Variants in MPP7 observed in about 807,000 individuals in gnomAD.
MPP7 encodes MAGUK p55 scaffold protein 7.
MPP7 carries 60 observed loss-of-function variants against 76.5 expected under a neutral mutation model. The observed-to-expected ratio is 0.78, with a 90% confidence interval of 0.64 to 0.97. The LOEUF is 0.97. Among genes scored for constraint, MPP7 ranks in the 50% least tolerant of loss-of-function variants. The probability of loss-of-function intolerance (pLI) is 0.00; values close to 1 mark genes in which losing one functional copy is unlikely to be tolerated. For synonymous variants in MPP7, 237 were observed against 244.5 expected (o/e 0.97, Z 0.29); for missense variants, 641 against 694.0 (o/e 0.92, Z 0.86).
At chr10:28,154,902 GT>G (rs1450042113) in intron 3 of MPP7, among the ~76,000 whole-genome samples, 5 of 148,450 alleles carry the variant, frequency 3.4e-5, no homozygotes, top group Non-Finnish European at 4.5e-5. Context: ...TTCAGTAATT[GT>G]TTTTTTTTTC....
At chr10:28,284,332 T>C (rs1840747154) in intron 1 of MPP7, among the ~76,000 whole-genome samples, 1 of 152,200 alleles carries the variant, frequency 6.6e-6, no homozygotes, top group Admixed American at 6.5e-5. Context: ...GCACCAAGTC[T>C]TGTGTATTCA....
intron 2 of MPP7, among the ~76,000 whole-genome samples, chr10:28,312,987 T>G (rs1245051821): frequency 1.3e-5 from 2 of 152,194 alleles, no homozygotes; most frequent in African/African-American, 2.4e-5. Flanking sequence ...TTTGAGGATG[T>G]GCACACAGAG....
intron 2 of MPP7, among the ~76,000 whole-genome samples, chr10:28,218,221 C>T (rs192395549): frequency 2.0e-4 from 30 of 152,034 alleles, no homozygotes; most frequent in African/African-American, 6.0e-4. Flanking sequence ...TAAAATCGGA[C>T]GCTGGAAAGG....
At chr10:28,242,248 T>C (rs1839295563) in intron 1 of MPP7, among the ~76,000 whole-genome samples, 1 of 152,202 alleles carries the variant, frequency 6.6e-6, no homozygotes, top group South Asian at 2.1e-4. Context: ...AGAATAAGTG[T>C]GCTCAGAAAT....
intron 2 of MPP7, among the ~76,000 whole-genome samples, chr10:28,319,965 A>AAC (rs1397018385): frequency 6.6e-6 from 1 of 151,918 alleles, no homozygotes; most frequent in Admixed American, 6.6e-5. Context: ...CAAAAACAAA[A>AAC]AAAAATACAT....
intron 5 of MPP7, among the ~76,000 whole-genome samples, chr10:28,141,067 T>A (rs188237948): frequency 0.015 from 2,263 of 152,166 alleles, 40 homozygotes; most frequent in Middle Eastern, 0.041. Context: ...CAAAAAGAAG[T>A]TTTAATCCCA....
intron 3 of MPP7, among the ~76,000 whole-genome samples, chr10:28,153,714 T>C (rs999277787): frequency 6.6e-6 from 1 of 152,196 alleles, no homozygotes; most frequent in Non-Finnish European, 1.5e-5. Context: ...AAAATAAAGC[T>C]TCAATAATTA....
At chr10:28,085,255 C>T (rs1852949427) in intron 12 of MPP7, among the ~76,000 whole-genome samples, 1 of 152,102 alleles carries the variant, frequency 6.6e-6, no homozygotes, top group South Asian at 2.1e-4. Flanking sequence ...AGACAAGTTA[C>T]CTACTTCTCT....
chr10:28,099,663 C>T (rs1355766859), intron 11 of MPP7, among the ~76,000 whole-genome samples: 3 of 151,956 alleles, frequency 2.0e-5, no homozygotes, highest in Admixed American at 6.6e-5. Context: ...AAAAATCAGC[C>T]GGATGTGGTG....
intron 11 of MPP7, among the ~76,000 whole-genome samples, chr10:28,090,841 C>CAT (rs1853261630): frequency 6.6e-6 from 1 of 152,114 alleles, no homozygotes; most frequent in Non-Finnish European, 1.5e-5. Flanking sequence ...TAATGTGACA[C>CAT]ATATGAAATT....
intron 1 of MPP7, among the ~76,000 whole-genome samples, chr10:28,295,250 A>C (rs1337770604): frequency 6.6e-6 from 1 of 152,288 alleles, no homozygotes; most frequent in East Asian, 1.9e-4. Flanking sequence ...TAAAATGACT[A>C]TGAAGAAACG....
At chr10:28,180,692 T>C (rs1837031091) in intron 3 of MPP7, among the ~76,000 whole-genome samples, 1 of 152,212 alleles carries the variant, frequency 6.6e-6, no homozygotes, top group Non-Finnish European at 1.5e-5. Flanking sequence ...AGACACTCTC[T>C]GTCTACTGCA....
At chr10:28,086,802 A>G (rs1405695390) in intron 12 of MPP7, among the ~76,000 whole-genome samples, 1 of 152,134 alleles carries the variant, frequency 6.6e-6, no homozygotes, top group African/African-American at 2.4e-5. Flanking sequence ...TATATCGGGG[A>G]AAGCCCACCA....
intron 3 of MPP7, among the ~76,000 whole-genome samples, chr10:28,173,334 T>G (rs904902785): frequency 6.6e-6 from 1 of 151,860 alleles, no homozygotes; most frequent in African/African-American, 2.4e-5. Flanking sequence ...ATCTACCCAC[T>G]CAACAATGTA....
intron 1 of MPP7, among the ~76,000 whole-genome samples, chr10:28,251,959 A>G (rs1340773419): frequency 6.6e-6 from 1 of 152,200 alleles, no homozygotes; most frequent in Non-Finnish European, 1.5e-5. Flanking sequence ...GGGTCTTCTA[A>G]TCTATACTTT....
chr10:28,086,476 A>G (rs1853014871), intron 12 of MPP7, among the ~76,000 whole-genome samples: 1 of 152,200 alleles, frequency 6.6e-6, no homozygotes, highest in African/African-American at 2.4e-5. Flanking sequence ...CAGCCAGATG[A>G]ATTTTAGTGC....
intron 1 of MPP7, chr10:28,282,153 ATC>A (rs1428006267): frequency 2.0e-5 from 3 of 152,116 alleles, no homozygotes; most frequent in Middle Eastern, 3.4e-3. Flanking sequence ...CTGTGATGTA[ATC>A]TCTGACATTA....
chr10:28,152,857 T>A (rs1435000735), intron 3 of MPP7, among the ~76,000 whole-genome samples: 1 of 152,180 alleles, frequency 6.6e-6, no homozygotes, highest in Admixed American at 6.5e-5. Context: ...TCATCATCAA[T>A]GAGCAATCTA....
intron 2 of MPP7, among the ~76,000 whole-genome samples, chr10:28,224,239 T>C (rs1290061605): frequency 1.3e-5 from 2 of 152,068 alleles, no homozygotes; most frequent in East Asian, 3.9e-4. Flanking sequence ...AATTCAACTG[T>C]AAGCAATGCT....
Sources: allele counts gnomAD v4.1 joint callset (sites outside exome capture counted in the v4.1 genomes callset), GRCh38; gene constraint gnomAD v4.1.1; transcripts MANE v1.5; gene names NCBI Gene and HGNC (gene_info 2026-07-23, HGNC 2026-07-21).